CNBD1: variants seen among roughly 807,000 people sequenced by gnomAD.
CNBD1 encodes cyclic nucleotide binding domain containing 1.
Under a neutral mutation model 54.4 loss-of-function variants are expected in CNBD1, and 71 were observed. That is an observed-to-expected ratio of 1.30 (90% confidence interval 1.08 to 1.59). The LOEUF is 1.59. Among genes scored for constraint, CNBD1 ranks in the 40% most tolerant of loss-of-function variants. CNBD1 has a pLI of 0.00. For missense variants in CNBD1, 659 were observed against 518.0 expected (o/e 1.27, Z -2.64); for synonymous variants, 182 against 170.7 (o/e 1.07, Z -0.51).
At position 87,056,707 on chromosome 8, in the gene CNBD1, TTTAA is replaced by T. The variant is rs535513942; in HGVS notation, c.431+116957_431+116960del. On this transcript the variant is annotated intron_variant, in intron 4 of 10. Transcript: ENST00000518476. ...ATATTTTAAAGAGATAAAATTAGAA[TTTAA>T]TTATATTGACTGATTATATAATACT... Among the ~76,000 whole-genome samples, 150 of 152,222 alleles carry T rather than the reference TTTAA, an allele frequency of 9.9e-4. 1 individual carries two copies. Among genetic ancestry groups the T allele is most frequent in the African/African-American group, 3.4e-3 (141 of 41,560 alleles).
At chr8:87,372,730 T>C (rs1810839356) in intron 10 of CNBD1, among the ~76,000 whole-genome samples, 1 of 151,982 alleles carries the variant, frequency 6.6e-6, no homozygotes, top group South Asian at 2.1e-4. Context: ...AACTTTTATG[T>C]GGCAACGTTC....
At chr8:87,028,036 C>G (rs1049727947) in intron 4 of CNBD1, among the ~76,000 whole-genome samples, 1 of 152,188 alleles carries the variant, frequency 6.6e-6, no homozygotes, top group African/African-American at 2.4e-5. Flanking sequence ...TCCCTGGACA[C>G]ACACACACAC....
intron 4 of CNBD1, among the ~76,000 whole-genome samples, chr8:87,191,172 A>C (rs1157208914): frequency 6.6e-6 from 1 of 151,954 alleles, no homozygotes; most frequent in Non-Finnish European, 1.5e-5. Flanking sequence ...TTCAGTCTAT[A>C]GCAGAAGGCC....
intron 8 of CNBD1, among the ~76,000 whole-genome samples, chr8:87,304,944 A>G (rs1164385959): frequency 6.6e-6 from 1 of 152,128 alleles, no homozygotes; most frequent in Non-Finnish European, 1.5e-5. Context: ...AGGGCATCCA[A>G]ATTGGTAAAG....
At chr8:87,300,809 T>A (rs1351621165) in intron 8 of CNBD1, among the ~76,000 whole-genome samples, 1 of 152,138 alleles carries the variant, frequency 6.6e-6, no homozygotes, top group African/African-American at 2.4e-5. Context: ...TTTTGTGTAC[T>A]TATGAATTTT....
intron 3 of CNBD1, among the ~76,000 whole-genome samples, chr8:86,920,758 G>T (rs960074537): frequency 6.6e-6 from 1 of 152,136 alleles, no homozygotes; most frequent in Non-Finnish European, 1.5e-5. Context: ...TTCTAAAGAG[G>T]CTAGGACATC....
chr8:87,219,877 C>T (rs1814292124), intron 5 of CNBD1, among the ~76,000 whole-genome samples: 1 of 151,836 alleles, frequency 6.6e-6, no homozygotes, highest in Non-Finnish European at 1.5e-5. Context: ...AATATTTTGA[C>T]TCATTAGTAT....
intron 8 of CNBD1, among the ~76,000 whole-genome samples, chr8:87,326,012 C>G (rs1809660386): frequency 5.3e-5 from 6 of 113,966 alleles, no homozygotes; most frequent in African/African-American, 2.0e-4. Flanking sequence ...GTGACAAAAT[C>G]TCTCAGCATT....
At chr8:87,294,189 TAAG>T (rs1356137972) in intron 8 of CNBD1, among the ~76,000 whole-genome samples, 2 of 152,254 alleles carry the variant, frequency 1.3e-5, no homozygotes, top group Non-Finnish European at 1.5e-5. Flanking sequence ...GCAATGGAGA[TAAG>T]AAGTAGTGGT....
Position 87,087,247 on chromosome 8 carries a change from GTA to G in CNBD1, c.432-118733_432-118732del, listed in dbSNP as rs35466004. Among the ~76,000 whole-genome samples the G allele has an allele frequency of 8.0e-3, 1,060 of 132,116 alleles. 21 individuals carry two copies. Among genetic ancestry groups the G allele is most frequent in the African/African-American group, 0.026 (875 of 33,970 alleles). 86.7% of individuals were successfully genotyped at this position (132,116 alleles called of 152,430 possible). A position where few individuals can be genotyped will look rare whatever the true frequency, so the allele number is the denominator to read the frequency against. On this transcript the variant is annotated intron_variant, in intron 4 of 10. Coordinates refer to ENST00000518476, the MANE Select transcript of CNBD1 (RefSeq NM_173538.3). ...TACACACACACACATATATATATAC[GTA>G]TATATATATATACATATATATATAC... is the stretch of plus-strand genomic sequence containing the variant.
intron 4 of CNBD1, among the ~76,000 whole-genome samples, chr8:87,139,357 C>T (rs1812326321): frequency 6.6e-6 from 1 of 152,138 alleles, no homozygotes; most frequent in Non-Finnish European, 1.5e-5. Flanking sequence ...ACAATTGTGT[C>T]TCAGGAAGGA....
chr8:87,395,283 T>C (rs114421433), intron 2 of CNBD1, among the ~76,000 whole-genome samples: 269 of 152,004 alleles, frequency 1.8e-3, no homozygotes, highest in African/African-American at 5.9e-3. Flanking sequence ...TGTATGCTTG[T>C]GATATTGGCA....
intron 8 of CNBD1, among the ~76,000 whole-genome samples, chr8:87,302,391 A>G (rs1809025029): frequency 6.6e-6 from 1 of 152,094 alleles, no homozygotes; most frequent in African/African-American, 2.4e-5. Context: ...CAAAAACCAC[A>G]TGATTATCTC....
chr8:87,172,361 G>C (rs1446553573), intron 4 of CNBD1, among the ~76,000 whole-genome samples: 2 of 152,062 alleles, frequency 1.3e-5, no homozygotes, highest in African/African-American at 4.8e-5. Flanking sequence ...TGGATGAAAT[G>C]CTCTGTAAAT....
At chr8:86,989,131 G>A (rs1337032932) in intron 4 of CNBD1, among the ~76,000 whole-genome samples, 3 of 151,980 alleles carry the variant, frequency 2.0e-5, no homozygotes, top group Non-Finnish European at 4.4e-5. Context: ...AATCAGCCAG[G>A]CATGGTGACG....
intron 4 of CNBD1, among the ~76,000 whole-genome samples, chr8:87,185,039 C>A (rs1382937079): frequency 2.0e-5 from 3 of 151,928 alleles, no homozygotes; most frequent in African/African-American, 4.8e-5. Flanking sequence ...TTTCAGAGAA[C>A]TTTGTTACTG....
chr8:87,184,199 G>T (rs1586313987), intron 4 of CNBD1, among the ~76,000 whole-genome samples: 1 of 152,158 alleles, frequency 6.6e-6, no homozygotes. Flanking sequence ...AAAGTGCTCT[G>T]ATAGGAATGT....
chr8:87,369,856 C>T (rs1781199145), intron 10 of CNBD1, among the ~76,000 whole-genome samples: 1 of 151,974 alleles, frequency 6.6e-6, no homozygotes, highest in African/African-American at 2.4e-5. Context: ...AGGTATATCT[C>T]CTATATGCTA....
At chr8:87,040,799 A>T (rs1276494005) in intron 4 of CNBD1, among the ~76,000 whole-genome samples, 1 of 150,968 alleles carries the variant, frequency 6.6e-6, no homozygotes, top group African/African-American at 2.4e-5. Context: ...TGAATATTTA[A>T]TTTATTTTTA....
Sources: allele counts gnomAD v4.1 joint callset (sites outside exome capture counted in the v4.1 genomes callset), GRCh38; gene constraint gnomAD v4.1.1; transcripts MANE v1.5; gene names NCBI Gene and HGNC (gene_info 2026-07-23, HGNC 2026-07-21).